Variants in DNAAF9 observed in about 807,000 individuals in gnomAD.
The protein encoded by DNAAF9 is shulin.
In DNAAF9, 90 loss-of-function variants were observed where a neutral mutation model predicts 167.0. The observed-to-expected ratio is 0.54, with a 90% CI of 0.45 to 0.64. The LOEUF is 0.64. Ranked by LOEUF, DNAAF9 falls within the 30% of genes least tolerant of loss-of-function variation. The pLI, the probability that DNAAF9 is intolerant of heterozygous loss-of-function variation, is 0.00. For missense variants in DNAAF9, 1,315 were observed against 1,442.2 expected, an observed-to-expected ratio of 0.91 and a Z score of 1.43; for synonymous variants, 491 against 508.8, an observed-to-expected ratio of 0.96 and a Z score of 0.47.
chr20:3,405,363 C>G (rs542118995), intron 1 of DNAAF9, among the ~76,000 whole-genome samples: 1 of 152,330 alleles, frequency 6.6e-6, no homozygotes, highest in South Asian at 2.1e-4. Flanking sequence ...CCTTCCATCA[C>G]TCAGCAGTCA....
intron 10 of DNAAF9, 115 bp from the exon 11 acceptor site, chr20:3,332,476 CAG>C: frequency 7.2e-6 from 4 of 553,764 alleles, no homozygotes; most frequent in Non-Finnish European, 9.6e-6. Context: ...TTTTTTGAGA[CAG>C]AGTCTTACTC....
chr20:3,339,603 T>C (rs1178410461), intron 10 of DNAAF9, among the ~76,000 whole-genome samples: 2 of 152,244 alleles, frequency 1.3e-5, no homozygotes, highest in Non-Finnish European at 2.9e-5. Flanking sequence ...TATTATATTG[T>C]AGACCTCTGC....
chr20:3,264,666 T>G, intron 30 of DNAAF9, 142 bp from the exon 31 acceptor site: 19 of 625,894 alleles, frequency 3.0e-5, no homozygotes, highest in Admixed American at 5.7e-5. Context: ...GCTTCCCGGG[T>G]TCAAGTGATT....
At chr20:3,284,666 G>C (rs956554310) in intron 27 of DNAAF9, among the ~76,000 whole-genome samples, 10 of 152,002 alleles carry the variant, frequency 6.6e-5, no homozygotes, top group Non-Finnish European at 1.3e-4. Flanking sequence ...AGTCTCCTTT[G>C]GGCTCAGTTT....
intron 12 of DNAAF9, among the ~76,000 whole-genome samples, chr20:3,328,983 C>T (rs1340511997): frequency 2.0e-5 from 3 of 151,606 alleles, no homozygotes; most frequent in Non-Finnish European, 4.4e-5. Context: ...ACTTCTCCTG[C>T]TTCAGCCTCC....
At chr20:3,274,126 G>A (rs1568571568) in intron 29 of DNAAF9, among the ~76,000 whole-genome samples, 1 of 151,852 alleles carries the variant, frequency 6.6e-6, no homozygotes, top group Non-Finnish European at 1.5e-5. Context: ...TAAAACACAG[G>A]ACTTATATTC....
chr20:3,382,696 G>A (rs902428210), intron 1 of DNAAF9, among the ~76,000 whole-genome samples, 190 bp from the exon 2 acceptor site: 2 of 152,122 alleles, frequency 1.3e-5, no homozygotes, highest in Non-Finnish European at 2.9e-5. Flanking sequence ...TTTATTTTCT[G>A]GAAGAGGTTG....
chr20:3,394,338 C>CAA (rs11479398), intron 1 of DNAAF9, among the ~76,000 whole-genome samples: 12 of 95,608 alleles, frequency 1.3e-4, no homozygotes, highest in African/African-American at 2.7e-4. Flanking sequence ...AACTCCGTCT[C>CAA]AAAAAAAAAA....
chr20:3,321,323 G>C (rs2236116), intron 16 of DNAAF9, among the ~76,000 whole-genome samples: 36,094 of 152,060 alleles, frequency 0.24, 4,859 homozygotes, highest in East Asian at 0.38. Flanking sequence ...TATACACCTA[G>C]GCTAGCTGGT....
chr20:3,266,546 C>G (rs916375330), intron 30 of DNAAF9, among the ~76,000 whole-genome samples: 2 of 152,130 alleles, frequency 1.3e-5, no homozygotes, highest in Admixed American at 1.3e-4. Context: ...GGCGCGGTCT[C>G]GGCCCACTGC....
chr20:3,296,708 C>G, intron 23 of DNAAF9, 153 bp downstream of exon 23: 1 of 647,984 alleles, frequency 1.5e-6, no homozygotes, highest in African/African-American at 1.8e-5. Flanking sequence ...CCCCCAAGGG[C>G]ACCGGCTACC....
intron 20 of DNAAF9, among the ~76,000 whole-genome samples, chr20:3,314,483 C>A (rs1211336339): frequency 6.6e-6 from 1 of 152,074 alleles, no homozygotes; most frequent in Non-Finnish European, 1.5e-5. Flanking sequence ...TGACAGCCAC[C>A]AACAAAATGG....
At chr20:3,400,925 T>C (rs1208004939) in intron 1 of DNAAF9, among the ~76,000 whole-genome samples, 25 of 152,242 alleles carry the variant, frequency 1.6e-4, no homozygotes, top group Admixed American at 1.6e-3. Context: ...CCTTTTTACT[T>C]CTACAGGCAC....
intron 11 of DNAAF9, among the ~76,000 whole-genome samples, chr20:3,330,929 T>C (rs1269962645): frequency 6.6e-6 from 1 of 151,814 alleles, no homozygotes; most frequent in African/African-American, 2.4e-5. Context: ...GTAGCTGGGA[T>C]TACAGGTGCA....
intron 1 of DNAAF9, among the ~76,000 whole-genome samples, chr20:3,402,993 A>T (rs1454963986): frequency 6.6e-6 from 1 of 152,042 alleles, no homozygotes; most frequent in Non-Finnish European, 1.5e-5. Context: ...TTTTTTTATC[A>T]TTTCTTCATG....
chr20:3,283,443 G>C (rs951976989), intron 27 of DNAAF9, among the ~76,000 whole-genome samples: 3 of 152,252 alleles, frequency 2.0e-5, no homozygotes, highest in African/African-American at 7.2e-5. Context: ...GGTTCTAAGA[G>C]TTCCCCCAGG....
At chr20:3,279,658 C>T (rs1166279954) in intron 28 of DNAAF9, among the ~76,000 whole-genome samples, 1 of 152,218 alleles carries the variant, frequency 6.6e-6, no homozygotes, top group Non-Finnish European at 1.5e-5. Context: ...ACTGTGCAGG[C>T]AGTTCACAAA....
chr20:3,380,322 C>G (rs2083631148), intron 3 of DNAAF9, among the ~76,000 whole-genome samples: 1 of 152,180 alleles, frequency 6.6e-6, no homozygotes, highest in African/African-American at 2.4e-5. Flanking sequence ...TCTTTTTGCA[C>G]TTCCTAATAA....
intron 20 of DNAAF9, 63 bp downstream of exon 20, chr20:3,314,970 T>A: frequency 1.2e-6 from 1 of 843,572 alleles, no homozygotes; most frequent in Non-Finnish European, 2.1e-6. Flanking sequence ...ACAACACCCA[T>A]GCTGACATCT....
Sources: gnomAD v4.1 joint callset for allele counts (sites outside exome capture counted in the v4.1 genomes callset) on GRCh38, gnomAD v4.1.1 for gene constraint, MANE v1.5 for transcripts, NCBI Gene and HGNC (gene_info 2026-07-23, HGNC 2026-07-21) for gene names.